Variants in CAND1 observed in about 807,000 individuals in gnomAD.
CAND1 encodes cullin-associated NEDD8-dissociated protein 1.
A neutral mutation model predicts 108.5 loss-of-function variants in CAND1; 7 were observed. The observed-to-expected ratio is 0.06, with a 90% CI of 0.04 to 0.12. CAND1 has a LOEUF of 0.12. Among genes scored for constraint, CAND1 ranks in the 10% least tolerant of loss-of-function variants. The pLI is 1.00. For synonymous variants in CAND1, 534 were observed against 512.0 expected (o/e 1.04, Z -0.58); for missense variants, 941 against 1,448.7 (o/e 0.65, Z 5.69).
chr12:67,290,517 A>G (rs1467611064), intron 2 of CAND1, among the ~76,000 whole-genome samples: 3 of 152,156 alleles, frequency 2.0e-5, no homozygotes, highest in Non-Finnish European at 2.9e-5. Context: ...CTCAAAAAAA[A>G]AAAACTTAAT....
chr12:67,282,223 G>A (rs1350626353), intron 2 of CAND1, 170 bp downstream of exon 2: 5 of 581,240 alleles, frequency 8.6e-6, no homozygotes, highest in Non-Finnish European at 1.5e-5. Context: ...TATATATAGT[G>A]TATTTCCTTA....
At chr12:67,312,541 T>C in intron 14 of CAND1, 65 bp from the exon 15 acceptor site, 1 of 1,062,164 alleles carries the variant, frequency 9.4e-7, no homozygotes, top group East Asian at 2.5e-5. Flanking sequence ...TCTTATGTGC[T>C]TAAATTTTGT....
At chr12:67,290,432 A>G (rs940159822) in intron 2 of CAND1, among the ~76,000 whole-genome samples, 4 of 151,302 alleles carry the variant, frequency 2.6e-5, no homozygotes, top group African/African-American at 9.7e-5. Context: ...AATCACTTGA[A>G]CCTCGGAGGC....
intron 13 of CAND1, 142 bp from the exon 14 acceptor site, chr12:67,311,551 T>TCAAACCTTATCTGAGTTAA (rs1565731161): frequency 6.7e-6 from 4 of 592,650 alleles, no homozygotes; most frequent in Non-Finnish European, 9.1e-6. Flanking sequence ...CAAATCTGTC[T>TCAAACCTTATCTGAGTTAA]GATTCTGATT....
At position 67,269,643 on chromosome 12, in the gene CAND1, TGGCGGC is replaced by T. The variant is rs557106057; in HGVS notation, c.-62_-57del. 58 of 1,315,632 alleles carry T rather than the reference TGGCGGC, an allele frequency of 4.4e-5. No homozygotes were observed. The highest frequency in any genetic ancestry group is 1.5e-4 in the East Asian group (6 of 39,392). The allele number at this position is 1,315,632 out of a possible 1,614,324, so 81.5% of individuals were successfully genotyped here. A position where few individuals can be genotyped will look rare whatever the true frequency, so the allele number is the denominator to read the frequency against. On this transcript the variant is annotated 5_prime_UTR_variant, in exon 1 of 15. Coordinates refer to ENST00000545606, the MANE Select transcript of CAND1 (RefSeq NM_018448.5). ...CCGCGAGCGAGAGGAGGAGCTCCAG[TGGCGGC>T]GGCGGCGGCGGCAGCGGCAGCGGGC...
At position 67,281,955 on chromosome 12, in the gene CAND1, C is replaced by T. The variant is rs760888230; in HGVS notation, c.114C>T (p.Ser38=). ...TGATGACGGAACTGCAGAAAGATTC[C>T]ATCAAGTTGGATGATGATAGTGAAA... ...NDLMTELQKD[S]IKLDDDSERK... Residue 38 remains serine, a synonymous_variant, in exon 2 of 15, where the codon TCC becomes TCT. Coordinates refer to ENST00000545606, the MANE Select transcript of CAND1 (RefSeq NM_018448.5). 1.9e-6 allele frequency: 3 copies of T among 1,611,154 alleles called. No homozygotes were observed. Among genetic ancestry groups the T allele is most frequent in the South Asian group, 2.2e-5 (2 of 90,750 alleles).
At chr12:67,295,494 C>T (rs1051475956) in intron 4 of CAND1, among the ~76,000 whole-genome samples, 4 of 152,040 alleles carry the variant, frequency 2.6e-5, no homozygotes, top group African/African-American at 4.8e-5. Flanking sequence ...CTGGTAGTTA[C>T]GGATTTTCCG....
Position 67,285,251 on chromosome 12 carries a change from A to T in CAND1, c.212+3198A>T, listed in dbSNP as rs971790249. Among the ~76,000 whole-genome samples the T allele has an allele frequency of 2.6e-5, 4 of 152,154 alleles. No homozygotes were observed. The East Asian group carries it at 5.8e-4, about 22-fold the overall frequency. On this transcript the variant is annotated intron_variant, in intron 2 of 14. Transcript: ENST00000545606. ...GTTGTTCCAAATTTATGGGAGAAAA[A>T]TTTTAAAATACTTGAAGATACAAAA... is the stretch of plus-strand genomic sequence containing the variant.
At position 67,305,873 on chromosome 12, in the gene CAND1, C is replaced by T; in HGVS notation, c.2205C>T (p.Leu735=). The T allele has an allele frequency of 6.2e-7, 1 of 1,614,174 alleles. No homozygotes were observed. The highest frequency in any genetic ancestry group is 8.5e-7 in the Non-Finnish European group (1 of 1,180,022). ...TTTCAAAGATAAGTGGATCCATTCT[C>T]AATGAACTTATTGGACTTGTGAGAT... The part of the protein sequence containing the change: ...SSLSKISGSI[L]NELIGLVRSP... Residue 735 remains leucine, a synonymous_variant, in exon 10 of 15, where the codon CTC becomes CTT. Coordinates refer to ENST00000545606, the MANE Select transcript of CAND1 (RefSeq NM_018448.5). The surrounding 1 kb of genome is among the most constrained non-coding windows in gnomAD (Gnocchi z 4.4).
chr12:67,299,220 A>C, intron 7 of CAND1, 125 bp downstream of exon 7: 8 of 911,300 alleles, frequency 8.8e-6, no homozygotes, highest in East Asian at 2.9e-5. Context: ...AAATGATCTC[A>C]ATATTTGACA....
intron 3 of CAND1, among the ~76,000 whole-genome samples, chr12:67,293,609 C>T (rs1181153584): frequency 3.9e-5 from 6 of 152,002 alleles, no homozygotes; most frequent in South Asian, 2.1e-4. Flanking sequence ...CAAAATTAGC[C>T]GGGCGTGGTG....
intron 5 of CAND1, 39 bp downstream of exon 5, chr12:67,297,702 A>C: frequency 1.9e-6 from 3 of 1,582,726 alleles, no homozygotes; most frequent in Non-Finnish European, 2.6e-6. Flanking sequence ...TTCTTTAATT[A>C]AAAAAATTAA....
chr12:67,276,409 T>G (rs2044569905), intron 1 of CAND1, among the ~76,000 whole-genome samples: 1 of 152,172 alleles, frequency 6.6e-6, no homozygotes, highest in African/African-American at 2.4e-5. Context: ...TCCGTAATAG[T>G]CAGGGAAAAC....
rs766327131 is a variant in CAND1, at chr12:67,295,163, G to A, written c.491+7G>A. ...TGGCTGATATGTTGAGCAGGTAAGTGTGCCTGTTTATTTCCGTTACTCGTA... is the reference window on the plus strand; with the variant it reads ...TGGCTGATATGTTGAGCAGGTAAGTATGCCTGTTTATTTCCGTTACTCGTA... On this transcript the variant is annotated splice_region_variant and intron_variant, in intron 4 of 14. Coordinates refer to ENST00000545606, the MANE Select transcript of CAND1 (RefSeq NM_018448.5). The A allele has an allele frequency of 1.9e-6, 3 of 1,607,270 alleles. No homozygotes were observed. The highest frequency in any genetic ancestry group is 1.1e-5 in the South Asian group (1 of 89,946).
chr12:67,272,056 T>C (rs550499822), intron 1 of CAND1, among the ~76,000 whole-genome samples: 158 of 152,364 alleles, frequency 1.0e-3, no homozygotes, highest in Admixed American at 2.2e-3. Flanking sequence ...TAGAAGTTTA[T>C]TTATTTTGGC....
intron 4 of CAND1, among the ~76,000 whole-genome samples, chr12:67,296,116 A>G (rs946999045): frequency 6.7e-6 from 1 of 150,106 alleles, no homozygotes; most frequent in East Asian, 2.0e-4. Context: ...ATTCTGATAG[A>G]TTGGGGTCAT....
chr12:67,304,884 A>G (rs1055567792), intron 9 of CAND1, 138 bp downstream of exon 9: 15 of 1,069,410 alleles, frequency 1.4e-5, no homozygotes, highest in Non-Finnish European at 1.9e-5. Flanking sequence ...TTTTTAATCT[A>G]ACAATCTTGA....
chr12:67,312,508 G>A (rs747440967), intron 14 of CAND1, 98 bp from the exon 15 acceptor site: 36 of 681,270 alleles, frequency 5.3e-5, no homozygotes, highest in Non-Finnish European at 7.3e-5. Flanking sequence ...ATGGACCTAC[G>A]AGAGTAGCTT....
chr12:67,288,039 T>C (rs1329045406), intron 2 of CAND1, among the ~76,000 whole-genome samples: 1 of 152,022 alleles, frequency 6.6e-6, no homozygotes. Context: ...AAATATTTTA[T>C]ATATACTTGA....
Sources: allele counts gnomAD v4.1 joint callset (sites outside exome capture counted in the v4.1 genomes callset), GRCh38; gene constraint gnomAD v4.1.1; non-coding constraint Gnocchi (gnomAD v3.1); transcripts MANE v1.5; gene names NCBI Gene and HGNC (gene_info 2026-07-23, HGNC 2026-07-21).